The following BNIPL variants were observed in gnomAD, a reference collection of about 807,000 sequenced individuals.
BNIPL encodes BCL2 interacting protein like.
Under a neutral mutation model 47.0 loss-of-function variants are expected in BNIPL, and 33 were observed. That is an observed-to-expected ratio of 0.70 (90% CI 0.53 to 0.94). The LOEUF (loss-of-function observed/expected upper bound fraction) is 0.94, where lower values mean the gene tolerates loss of function less well. Among genes scored for constraint, BNIPL ranks in the 40% least tolerant of loss-of-function variants. The pLI, the probability that BNIPL is intolerant of heterozygous loss-of-function variation, is 0.00. For missense variants in BNIPL, 404 were observed against 445.2 expected (o/e 0.91, Z 0.83); for synonymous variants, 145 against 162.7 (o/e 0.89, Z 0.83).
intron 4 of BNIPL, among the ~76,000 whole-genome samples, chr1:151,042,384 T>C (rs918941710): frequency 5.1e-4 from 77 of 152,204 alleles, no homozygotes; most frequent in Non-Finnish European, 3.4e-4. Flanking sequence ...CCCAAAGTGC[T>C]GGGATTACAG....
Position 151,043,059 on chromosome 1 carries a change from G to A in BNIPL, c.537G>A (p.Arg179=). Residue 179 remains arginine, a synonymous_variant, in exon 5 of 10, where the codon AGG becomes AGA. Transcript: ENST00000368931. ...DVTGEDGHHW[R]VFRMGPREQR... is the part of the protein sequence containing the mutation. ...CTGGAGAAGATGGACATCACTGGAG[G>A]GTGTTCCGAATGGGACCACGGGAGC... 6.2e-7 allele frequency: 1 copy of A among 1,611,422 alleles called. No individual in the cohort carries two copies. The highest frequency in any genetic ancestry group is 1.3e-5 in the African/African-American group (1 of 74,836).
intron 7 of BNIPL, 29 bp from the exon 8 acceptor site, chr1:151,045,768 A>G (rs1675998475): frequency 6.2e-7 from 1 of 1,613,936 alleles, no homozygotes; most frequent in African/African-American, 1.3e-5. Flanking sequence ...GTGGAAGAAG[A>G]AATAGGATGA....
intron 1 of BNIPL, 196 bp from the exon 2 acceptor site, chr1:151,037,371 G>C: frequency 7.6e-7 from 1 of 1,321,284 alleles, no homozygotes; most frequent in South Asian, 1.8e-5. Flanking sequence ...TCTTTCGTCT[G>C]CTCCCAAACT....
intron 7 of BNIPL, chr1:151,045,579 A>AAAAAT: frequency 3.9e-6 from 3 of 778,432 alleles, no homozygotes; most frequent in Non-Finnish European, 5.5e-6. Flanking sequence ...AAAAAAAAAA[A>AAAAAT]TCTTGAGAGT....
chr1:151,045,907 T>A, intron 8 of BNIPL, 24 bp downstream of exon 8: 1 of 1,614,010 alleles, frequency 6.2e-7, no homozygotes, highest in South Asian at 1.1e-5. Context: ...GAACAAGGAC[T>A]CCTTTCTCCT....
intron 4 of BNIPL, among the ~76,000 whole-genome samples, chr1:151,040,389 C>T (rs997645756): frequency 1.3e-5 from 2 of 152,086 alleles, no homozygotes; most frequent in African/African-American, 4.8e-5. Context: ...CTATGTTGCC[C>T]AGGCTGGTCT....
At position 151,038,798 on chromosome 1, in the gene BNIPL, G is replaced by C; in HGVS notation, c.205G>C (p.Ala69Pro). 6.4e-7 allele frequency: 1 copy of C among 1,573,880 alleles called. No homozygotes were observed. Among genetic ancestry groups the C allele is most frequent in the Non-Finnish European group, 8.6e-7 (1 of 1,159,902 alleles). Residue 69 changes from alanine (A) to proline (P), a missense_variant and splice_region_variant, in exon 4 of 10, where the codon GCA becomes CCA. Physicochemically the swap from Ala to Pro is conservative, Grantham distance 27 (BLOSUM62 -1). Transcript: ENST00000368931. ...TCTCTTTTTCCCCCTTTCTCCAGCT[G>C]CAGGTACCCCCAGCACTTTAGCCCT... is the stretch of plus-strand genomic sequence containing the variant. Reference protein sequence around the residue: ...EDPKGDSQAAAGTPSTLALCG... With the variant: ...EDPKGDSQAAPGTPSTLALCG...
chr1:151,044,881 G>C, intron 7 of BNIPL: 2 of 1,288,696 alleles, frequency 1.6e-6, no homozygotes, highest in Non-Finnish European at 2.0e-6. Flanking sequence ...TCCACCTAGA[G>C]TTTTATAAGT....
chr1:151,036,879 A>C (rs1675618326), intron 1 of BNIPL, 113 bp downstream of exon 1: 1 of 1,072,018 alleles, frequency 9.3e-7, no homozygotes, highest in African/African-American at 1.6e-5. Context: ...AGGAGACAAG[A>C]CTGTAAGAGA....
intron 2 of BNIPL, among the ~76,000 whole-genome samples, 157 bp downstream of exon 2, chr1:151,037,819 G>A (rs1053691241): frequency 3.3e-5 from 5 of 151,752 alleles, no homozygotes; most frequent in African/African-American, 4.9e-5. Flanking sequence ...TGACCAACAC[G>A]GTGAAATCCC....
rs763503878 is a variant in BNIPL at position 151,036,751 on chromosome 1, A to G, written c.26A>G (p.Lys9Arg). 7 of 1,611,584 alleles carry G rather than the reference A, an allele frequency of 4.3e-6. No individual in the cohort carries two copies. Among genetic ancestry groups the G allele is most frequent in the Non-Finnish European group, 5.9e-6 (7 of 1,177,770 alleles). MGTIQEAG[K>R]KTDVGVREIA... ...ATGGGAACTATACAAGAGGCAGGAAAAAAGACAGATGTTGGGTAAGTAAGA... is the reference window on the plus strand; with the variant it reads ...ATGGGAACTATACAAGAGGCAGGAAGAAAGACAGATGTTGGGTAAGTAAGA... Residue 9 changes from lysine to arginine, a missense_variant, in exon 1 of 10, where the codon AAA becomes AGA. Transcript: ENST00000368931.
intron 3 of BNIPL, 83 bp from the exon 4 acceptor site, chr1:151,038,713 C>A: frequency 6.4e-7 from 1 of 1,553,944 alleles, no homozygotes; most frequent in South Asian, 1.2e-5. Context: ...CCCATATTAT[C>A]ACTTTCACAT....
chr1:151,043,120 A>G lies in BNIPL; in HGVS notation c.598A>G (p.Lys200Glu). The change falls in exon 5 of 10, where the codon AAA becomes GAA. Residue 200 changes from lysine (K) to glutamate (E), a missense_variant. Coordinates refer to ENST00000368931, the MANE Select transcript of BNIPL (RefSeq NM_138278.4). ...CATGACTGTCATTGAGCCCTATAAG[A>G]AAGTCCTGTCTCATGGAGGTAATGG... ...VDMTVIEPYK[K>E]VLSHGGYHGD... 1 of 1,613,210 alleles carries G rather than the reference A, an allele frequency of 6.2e-7. No homozygotes were observed. The highest frequency in any genetic ancestry group is 8.5e-7 in the Non-Finnish European group (1 of 1,179,606).
chr1:151,043,575 C>A, intron 6 of BNIPL, 21 bp from the exon 7 acceptor site: 1 of 1,604,442 alleles, frequency 6.2e-7, no homozygotes, highest in Non-Finnish European at 8.5e-7. Flanking sequence ...ACATACCTTC[C>A]CTGCAATTTC....
Position 151,038,925 on chromosome 1 carries a change from C to T in BNIPL, c.332C>T (p.Ala111Val), listed in dbSNP as rs1675725969. The T allele has an allele frequency of 6.2e-7, 1 of 1,613,998 alleles. No homozygotes were observed. The highest frequency in any genetic ancestry group is 8.5e-7 in the Non-Finnish European group (1 of 1,179,948). ...GNDGASPTQS[A>V]PSSPDGSSDL... ...GATGGAGCTTCACCCACCCAGTCTGCACCTTCCTCTCCTGATGGCAGTTCT... is the reference window on the plus strand; with the variant it reads ...GATGGAGCTTCACCCACCCAGTCTGTACCTTCCTCTCCTGATGGCAGTTCT... Residue 111 changes from alanine (A) to valine (V), a missense_variant, in exon 4 of 10, where the codon GCA becomes GTA. By Grantham distance (64) the Ala-to-Val change is moderately conservative (BLOSUM62 0). Coordinates refer to ENST00000368931, the MANE Select transcript of BNIPL (RefSeq NM_138278.4).
chr1:151,039,141 C>A, intron 4 of BNIPL, 115 bp downstream of exon 4: 1 of 1,325,036 alleles, frequency 7.5e-7, no homozygotes, highest in South Asian at 2.7e-5. Flanking sequence ...AGGGCTACGG[C>A]CAGCAAAATT....
chr1:151,046,622 C>T lies in BNIPL; in HGVS notation c.1038-29C>T, dbSNP rs587596410. On this transcript the variant is annotated intron_variant, in intron 9 of 9. Coordinates refer to ENST00000368931, the MANE Select transcript of BNIPL (RefSeq NM_138278.4). ...AACCCAAGTCCTACCCCCTGAACCA[C>T]TTCTCTCCTCCCCCTCTCCCTCTCC... 4.0e-4 allele frequency: 636 copies of T among 1,585,924 alleles called. 5 individuals are homozygous for T. In the South Asian group the frequency reaches 6.7e-3, roughly 17 times the overall value.
In BNIPL at chr1:151,045,777, G is replaced by T. The variant is rs901012283; in HGVS notation, c.852-20G>T. 3 of 1,613,982 alleles carry T rather than the reference G, an allele frequency of 1.9e-6. No homozygotes were observed. Among genetic ancestry groups the T allele is most frequent in the Middle Eastern group, 1.6e-4 (1 of 6,062 alleles). ...ATAAAGGTGGAAGAAGAAATAGGAT[G>T]ATCTCATGTTGTTTTTCAGGCTACG... On this transcript the variant is annotated intron_variant, in intron 7 of 9. Coordinates refer to ENST00000368931, the MANE Select transcript of BNIPL (RefSeq NM_138278.4).
chr1:151,038,617 A>G (rs374889516), intron 3 of BNIPL, 49 bp downstream of exon 3: 53 of 1,601,496 alleles, frequency 3.3e-5, no homozygotes, highest in Non-Finnish European at 4.4e-5. Flanking sequence ...TAGTCCAGTA[A>G]AGGGCTATGC....
Sources: allele counts gnomAD v4.1 joint callset (sites outside exome capture counted in the v4.1 genomes callset), GRCh38; gene constraint gnomAD v4.1.1; transcripts MANE v1.5; gene names NCBI Gene and HGNC (gene_info 2026-07-23, HGNC 2026-07-21).